The following TMEM156 variants were observed in gnomAD, a reference collection of about 807,000 sequenced individuals.
TMEM156 encodes transmembrane protein 156.
A neutral mutation model predicts 30.5 loss-of-function variants in TMEM156; 28 were observed. That is an observed-to-expected ratio of 0.92 (90% CI 0.68 to 1.26). TMEM156 has a LOEUF of 1.26. Among genes scored for constraint, TMEM156 ranks in the 50% most tolerant of loss-of-function variants. TMEM156 has a pLI of 0.00. For synonymous variants in TMEM156, 137 were observed against 119.9 expected (o/e 1.14, Z -0.93); for missense variants, 351 against 340.6 (o/e 1.03, Z -0.24).
intron 1 of TMEM156, among the ~76,000 whole-genome samples, chr4:39,000,452 A>C (rs1713261522): frequency 6.6e-6 from 1 of 152,196 alleles, no homozygotes; most frequent in South Asian, 2.1e-4. Context: ...TACTTAGACA[A>C]TTTACTTAAT....
intron 5 of TMEM156, among the ~76,000 whole-genome samples, chr4:38,984,819 T>C (rs1460158097): frequency 6.6e-6 from 1 of 152,162 alleles, no homozygotes; most frequent in African/African-American, 2.4e-5. Context: ...AACATTAATA[T>C]TATATACCTG....
At chr4:38,982,359 T>C (rs1004435871) in intron 5 of TMEM156, among the ~76,000 whole-genome samples, 6 of 152,132 alleles carry the variant, frequency 3.9e-5, no homozygotes, top group African/African-American at 1.4e-4. Flanking sequence ...CAGCCTAGAG[T>C]TACTTTTGCA....
chr4:38,998,008 A>G (rs564375153), intron 2 of TMEM156, among the ~76,000 whole-genome samples: 2 of 152,264 alleles, frequency 1.3e-5, no homozygotes, highest in Admixed American at 6.5e-5. Flanking sequence ...TGATTTTACT[A>G]TAAGAAACTA....
At chr4:39,006,803 C>T (rs576253850) in intron 1 of TMEM156, among the ~76,000 whole-genome samples, 5 of 151,944 alleles carry the variant, frequency 3.3e-5, no homozygotes, top group East Asian at 1.9e-4. Context: ...ATTAGCCAGG[C>T]GTGGTAGTGC....
At chr4:39,030,862 T>G (rs1262811496) in intron 1 of TMEM156, among the ~76,000 whole-genome samples, 1 of 152,216 alleles carries the variant, frequency 6.6e-6, no homozygotes, top group Non-Finnish European at 1.5e-5. Context: ...TTATAACACA[T>G]TTTCACCCAG....
intron 1 of TMEM156, among the ~76,000 whole-genome samples, chr4:39,017,717 G>A (rs995389218): frequency 1.3e-5 from 2 of 152,094 alleles, no homozygotes; most frequent in Non-Finnish European, 2.9e-5. Context: ...TAGAATTGAT[G>A]CATATTCTTG....
At chr4:38,992,726 T>TATATATATA (rs1712598846) in intron 3 of TMEM156, among the ~76,000 whole-genome samples, 2 of 56,174 alleles carry the variant, frequency 3.6e-5, no homozygotes, top group African/African-American at 5.7e-5. Flanking sequence ...ATATATATAA[T>TATATATATA]ATATATATAA....
At chr4:38,984,794 C>G (rs940110069) in intron 5 of TMEM156, among the ~76,000 whole-genome samples, 1 of 151,780 alleles carries the variant, frequency 6.6e-6, no homozygotes, top group Non-Finnish European at 1.5e-5. Flanking sequence ...GGCCATCACC[C>G]CTTGACCTAC....
chr4:39,030,412 G>C (rs891557247), intron 1 of TMEM156, among the ~76,000 whole-genome samples: 2 of 152,126 alleles, frequency 1.3e-5, no homozygotes, highest in East Asian at 1.9e-4. Flanking sequence ...AAGGAAGTTT[G>C]GCTAAGATGG....
chr4:39,001,825 A>G (rs369515662), intron 1 of TMEM156, among the ~76,000 whole-genome samples: 12 of 147,600 alleles, frequency 8.1e-5, no homozygotes, highest in Admixed American at 1.4e-4. Flanking sequence ...AAACTGGCTA[A>G]CCATATGTAG....
At chr4:38,984,553 A>G (rs1352916418) in intron 5 of TMEM156, among the ~76,000 whole-genome samples, 1 of 151,980 alleles carries the variant, frequency 6.6e-6, no homozygotes, top group African/African-American at 2.4e-5. Flanking sequence ...CCATGCTGAC[A>G]CATTTTTCCC....
intron 1 of TMEM156, among the ~76,000 whole-genome samples, chr4:39,006,211 C>T (rs1407525707): frequency 1.3e-5 from 2 of 152,108 alleles, no homozygotes; most frequent in African/African-American, 2.4e-5. Flanking sequence ...CTTTTTGACA[C>T]ACATTCTGAC....
chr4:39,017,913 G>A (rs538573297), intron 1 of TMEM156, among the ~76,000 whole-genome samples: 46 of 151,980 alleles, frequency 3.0e-4, no homozygotes, highest in Non-Finnish European at 4.3e-4. Context: ...GCATATTTCC[G>A]GAAATTGCTT....
intron 3 of TMEM156, among the ~76,000 whole-genome samples, chr4:38,990,556 A>G (rs4419478): frequency 0.33 from 50,160 of 152,006 alleles, 8,516 homozygotes; most frequent in East Asian, 0.5. Context: ...TGGGGACCAG[A>G]CCAGCCAGTG....
At chr4:38,978,540 G>A (rs1723000603) in intron 5 of TMEM156, among the ~76,000 whole-genome samples, 1 of 152,152 alleles carries the variant, frequency 6.6e-6, no homozygotes, top group African/African-American at 2.4e-5. Context: ...ACAGGGTATG[G>A]GTTCAGGCAG....
chr4:38,968,534 A>G (rs1722449844), intron 6 of TMEM156, among the ~76,000 whole-genome samples: 1 of 152,214 alleles, frequency 6.6e-6, no homozygotes, highest in Non-Finnish European at 1.5e-5. Context: ...GTGGTCAAAA[A>G]TCATTTGGTG....
At chr4:38,977,940 A>C (rs1400269496) in intron 5 of TMEM156, among the ~76,000 whole-genome samples, 1 of 152,226 alleles carries the variant, frequency 6.6e-6, no homozygotes, top group Non-Finnish European at 1.5e-5. Flanking sequence ...TTTTAGATAA[A>C]GATTTCTATC....
intron 1 of TMEM156, among the ~76,000 whole-genome samples, chr4:38,999,499 A>G (rs1477819445): frequency 6.6e-6 from 1 of 152,226 alleles, no homozygotes; most frequent in Non-Finnish European, 1.5e-5. Context: ...TAAAGACTCA[A>G]GTCAATTGCA....
At chr4:39,011,836 T>C (rs1560379853) in intron 1 of TMEM156, among the ~76,000 whole-genome samples, 1 of 152,086 alleles carries the variant, frequency 6.6e-6, no homozygotes, top group Non-Finnish European at 1.5e-5. Context: ...TATTCAGCCA[T>C]AAAAAAGATT....
Sources: gnomAD v4.1 joint callset for allele counts (sites outside exome capture counted in the v4.1 genomes callset) on GRCh38, gnomAD v4.1.1 for gene constraint, MANE v1.5 for transcripts, NCBI Gene and HGNC (gene_info 2026-07-23, HGNC 2026-07-21) for gene names.